Variants in RUNDC3A observed in about 807,000 individuals in gnomAD.
The protein encoded by RUNDC3A is RUN domain-containing protein 3A.
Under a neutral mutation model 53.9 loss-of-function variants are expected in RUNDC3A, and 28 were observed. The ratio of observed to expected loss-of-function variants is 0.52; its 90% CI spans 0.38 to 0.71. The LOEUF (loss-of-function observed/expected upper bound fraction) is 0.71, where lower values mean the gene tolerates loss of function less well. RUNDC3A is among the 30% of genes least tolerant of loss of function. RUNDC3A has a pLI of 0.00. For missense variants in RUNDC3A, 491 were observed against 597.3 expected, an observed-to-expected ratio of 0.82 and a Z score of 1.85; for synonymous variants, 232 against 249.4, an observed-to-expected ratio of 0.93 and a Z score of 0.66.
Position 44,314,810 on chromosome 17 carries a change from C to T in RUNDC3A, c.534C>T (p.Ser178=), listed in dbSNP as rs1160077548. Residue 178 remains serine (S), a synonymous_variant, in exon 5 of 11, where the codon AGC becomes AGT. Coordinates refer to ENST00000426726, the MANE Select transcript of RUNDC3A (RefSeq NM_001144825.2). ...TILTGMLIGL[S]AIDFSFCLKG... ...TCACCGGAATGCTGATCGGACTGAGCGCCATCGACTTCAGGTGGGGTCTGC... is the reference window on the plus strand; with the variant it reads ...TCACCGGAATGCTGATCGGACTGAGTGCCATCGACTTCAGGTGGGGTCTGC... The T allele has an allele frequency of 1.2e-6, 2 of 1,613,780 alleles. No homozygotes were observed. Among genetic ancestry groups the T allele is most frequent in the Admixed American group, 1.7e-5 (1 of 60,006 alleles).
chr17:44,312,554 C>T, intron 1 of RUNDC3A, 26 bp from the exon 2 acceptor site: 1 of 1,345,696 alleles, frequency 7.4e-7, no homozygotes, highest in Non-Finnish European at 1.0e-6. Context: ...CACCCCACTG[C>T]CCCATCTCCC....
At chr17:44,317,153 G>A in intron 10 of RUNDC3A, 1 of 474,368 alleles carries the variant, frequency 2.1e-6, no homozygotes, top group South Asian at 2.5e-5. Flanking sequence ...GCCTCTCTCA[G>A]CCTTTCTTGA....
chr17:44,316,235 C>T, intron 8 of RUNDC3A, 150 bp from the exon 9 acceptor site: 1 of 673,892 alleles, frequency 1.5e-6, no homozygotes, highest in Admixed American at 2.8e-5. Context: ...CCTCCACTTC[C>T]TCCCGGGATC....
At chr17:44,310,965 A>C in intron 1 of RUNDC3A, 2 of 985,502 alleles carry the variant, frequency 2.0e-6, no homozygotes, top group Non-Finnish European at 1.2e-6. Flanking sequence ...GGCCCTAGGC[A>C]CCTACCTTCT....
chr17:44,318,113 T>C lies in RUNDC3A; in HGVS notation c.1216T>C (p.Ser406Pro). Residue 406 changes from serine to proline, a missense_variant, in exon 11 of 11, where the codon TCC becomes CCC. By Grantham distance (74) the Ser-to-Pro change is moderately conservative (BLOSUM62 -1). Transcript: ENST00000426726. ...WGPIGKDPTPSMLGLCGSLAS... is the reference protein window; with the variant it reads ...WGPIGKDPTPPMLGLCGSLAS... The stretch of plus-strand genomic sequence containing the variant: ...CTCCCCAGGGAAGGACCCCACGCCC[T>C]CCATGCTGGGCCTCTGCGGCTCCCT... The C allele has an allele frequency of 6.4e-7, 1 of 1,551,248 alleles. No homozygotes were observed. Among genetic ancestry groups the C allele is most frequent in the Non-Finnish European group, 8.7e-7 (1 of 1,146,784 alleles).
chr17:44,312,194 C>T (rs1029372698), intron 1 of RUNDC3A, among the ~76,000 whole-genome samples: 5 of 151,744 alleles, frequency 3.3e-5, no homozygotes, highest in African/African-American at 4.9e-5. Flanking sequence ...ACCCAGGCCT[C>T]GCACACACAG....
chr17:44,318,185 G>T lies in RUNDC3A; in HGVS notation c.1288G>T (p.Glu430Ter). Residue 430 changes from glutamate to a stop codon, truncating the protein, a stop_gained, in exon 11 of 11, where the codon GAG becomes TAG. Coordinates refer to ENST00000426726, the MANE Select transcript of RUNDC3A (RefSeq NM_001144825.2). LOFTEE classifies it high-confidence loss of function. Reference protein sequence around the residue: ...CKSLASFKSNECLVSDSPEGS... With the variant: ...CKSLASFKSN The stretch of plus-strand genomic sequence containing the variant: ...GTCCCTGGCGAGCTTCAAATCCAAC[G>T]AGTGCCTGGTGAGCGACAGTCCCGA... The T allele has an allele frequency of 6.4e-7, 1 of 1,551,436 alleles. No individual in the cohort carries two copies. The highest frequency in any genetic ancestry group is 8.7e-7 in the Non-Finnish European group (1 of 1,146,992).
chr17:44,309,543 G>C (rs1487566035), intron 1 of RUNDC3A, among the ~76,000 whole-genome samples: 1 of 152,128 alleles, frequency 6.6e-6, no homozygotes, highest in Non-Finnish European at 1.5e-5. Flanking sequence ...GTCTCTGAGG[G>C]TGGAACGGTT....
chr17:44,311,526 A>G (rs987794952), intron 1 of RUNDC3A: 1 of 181,618 alleles, frequency 5.5e-6, no homozygotes, highest in African/African-American at 2.4e-5. Flanking sequence ...AAGGGAATGC[A>G]TGCAAAGTAC....
intron 1 of RUNDC3A, chr17:44,310,071 C>G (rs571565557): frequency 6.6e-6 from 1 of 152,514 alleles, no homozygotes; most frequent in Admixed American, 6.5e-5. Flanking sequence ...GCCCAGCCCA[C>G]AGTGCAGGGC....
At chr17:44,317,784 G>C (rs1161844689) in intron 10 of RUNDC3A, 1 of 599,166 alleles carries the variant, frequency 1.7e-6, no homozygotes, top group African/African-American at 1.9e-5. Flanking sequence ...ACCGTGTCTT[G>C]TCCGTTCTCT....
intron 8 of RUNDC3A, 79 bp from the exon 9 acceptor site, chr17:44,316,306 C>G (rs1165973330): frequency 7.2e-7 from 1 of 1,395,920 alleles, no homozygotes; most frequent in African/African-American, 1.4e-5. Context: ...TTCCTGACCC[C>G]TCCCTCATCC....
At chr17:44,309,744 C>A (rs1023408364) in intron 1 of RUNDC3A, among the ~76,000 whole-genome samples, 2 of 152,158 alleles carry the variant, frequency 1.3e-5, no homozygotes, top group Non-Finnish European at 1.5e-5. Context: ...GCTGCAACCT[C>A]CCCTGGCCCC....
intron 1 of RUNDC3A, chr17:44,310,631 A>G (rs1407752674): frequency 1.1e-6 from 1 of 907,214 alleles, no homozygotes; most frequent in Non-Finnish European, 1.3e-6. Flanking sequence ...AGCTCCCTTT[A>G]GCAGGCCATG....
At chr17:44,317,119 T>C in intron 10 of RUNDC3A, 1 of 422,102 alleles carries the variant, frequency 2.4e-6, no homozygotes, top group South Asian at 2.9e-5. Flanking sequence ...GTGCTGGGAT[T>C]ACAGGTGTGA....
At chr17:44,316,820 C>CTTT (rs35019446) in intron 10 of RUNDC3A, 95 bp downstream of exon 10, 111 of 398,314 alleles carry the variant, frequency 2.8e-4, no homozygotes, top group South Asian at 4.8e-4. Context: ...TTCTCTTAGT[C>CTTT]TTTTTTTTTT....
Position 44,308,879 on chromosome 17 carries a change from C to G in RUNDC3A, c.47C>G (p.Ser16Cys), listed in dbSNP as rs1405541496. Residue 16 changes from serine (S) to cysteine (C), a missense_variant, in exon 1 of 11, where the codon TCC becomes TGC. Transcript: ENST00000426726. ...VQTTMALGLSSKKASSRNVAV... is the reference protein window; with the variant it reads ...VQTTMALGLSCKKASSRNVAV... ...ACCACCATGGCTCTGGGGCTGTCCT[C>G]CAAGAAAGCGTCCTCTCGCAACGTG... 6.2e-7 allele frequency: 1 copy of G among 1,611,926 alleles called. No individual in the cohort carries two copies. Among genetic ancestry groups the G allele is most frequent in the Non-Finnish European group, 8.5e-7 (1 of 1,179,024 alleles).
chr17:44,317,637 C>T, intron 10 of RUNDC3A: 1 of 725,170 alleles, frequency 1.4e-6, no homozygotes, highest in African/African-American at 1.7e-5. Flanking sequence ...TTTTTATAAG[C>T]AACCACACTG....
intron 4 of RUNDC3A, chr17:44,314,397 T>A: frequency 8.7e-7 from 1 of 1,152,608 alleles, no homozygotes; most frequent in Non-Finnish European, 1.1e-6. Context: ...GTCTACACGT[T>A]TCAAGTTAAC....
Sources: gnomAD v4.1 joint callset for allele counts (sites outside exome capture counted in the v4.1 genomes callset) on GRCh38, gnomAD v4.1.1 for gene constraint, MANE v1.5 for transcripts, NCBI Gene and HGNC (gene_info 2026-07-23, HGNC 2026-07-21) for gene names.